The following MBD5 variants were observed in gnomAD, a reference collection of about 807,000 sequenced individuals.
MBD5 encodes the protein methyl-CpG-binding domain protein 5.
In MBD5, 13 loss-of-function variants were observed where a neutral mutation model predicts 117.3. The observed-to-expected ratio is 0.11, with a 90% CI of 0.07 to 0.18. The LOEUF is 0.18. Among genes scored for constraint, MBD5 ranks in the 10% least tolerant of loss-of-function variants. The pLI is 1.00. For synonymous variants in MBD5, 727 were observed against 766.4 expected (o/e 0.95, Z 0.85); for missense variants, 1,879 against 2,093.8 (o/e 0.90, Z 2.00).
chr2:148,343,679 A>C (rs939600651), intron 4 of MBD5, among the ~76,000 whole-genome samples: 25 of 151,902 alleles, frequency 1.6e-4, no homozygotes, highest in African/African-American at 5.8e-4. Context: ...ATATAAGACA[A>C]TTGTTGGTTG....
intron 1 of MBD5, among the ~76,000 whole-genome samples, chr2:148,153,068 C>T (rs954434319): frequency 4.5e-4 from 69 of 151,872 alleles, no homozygotes; most frequent in Middle Eastern, 3.4e-3. Flanking sequence ...GATTTTGCAG[C>T]GGCTGGTACC....
chr2:148,366,308 G>GAACTAGC (rs1559041665), intron 4 of MBD5, among the ~76,000 whole-genome samples: 7 of 47,592 alleles, frequency 1.5e-4, no homozygotes, highest in African/African-American at 3.4e-4. Context: ...AATAAACTAG[G>GAACTAGC]TATTGATGGA....
intron 1 of MBD5, among the ~76,000 whole-genome samples, chr2:148,073,100 G>A (rs572053294): frequency 4.0e-5 from 6 of 151,880 alleles, no homozygotes; most frequent in African/African-American, 1.2e-4. Flanking sequence ...TTTTTGTACT[G>A]ATTTAATCTA....
chr2:148,103,145 G>A (rs757899240), intron 1 of MBD5, among the ~76,000 whole-genome samples: 1 of 152,038 alleles, frequency 6.6e-6, no homozygotes, highest in East Asian at 1.9e-4. Context: ...AAAATTAAAT[G>A]TGCTTTATCT....
rs534415848 is a variant in MBD5, at chr2:148,157,907, C to G, written c.-924-20793C>G. 2.0e-5 allele frequency among the ~76,000 whole-genome samples: 3 copies of G among 152,162 alleles called. No individual in the cohort carries two copies. The South Asian group carries it at 6.2e-4, about 32-fold the overall frequency. ...AAAATGTTCATACTCATTAATATCT[C>G]AAAAATATTCATCACGATGGAAATG... On this transcript the variant is annotated intron_variant, in intron 1 of 13. Transcript: ENST00000642680.
At chr2:148,340,726 G>A (rs1702921612) in intron 3 of MBD5, among the ~76,000 whole-genome samples, 1 of 151,940 alleles carries the variant, frequency 6.6e-6, no homozygotes, top group Non-Finnish European at 1.5e-5. Context: ...GGATTGAAGT[G>A]AGGATTATTT....
At chr2:148,098,169 G>A (rs925126925) in intron 1 of MBD5, among the ~76,000 whole-genome samples, 2 of 152,158 alleles carry the variant, frequency 1.3e-5, no homozygotes, top group Admixed American at 6.5e-5. Context: ...ACAGCAGGTG[G>A]GAGACCAGTT....
At position 148,274,315 on chromosome 2, in the gene MBD5, G is replaced by A. The variant is rs1701051517; in HGVS notation, c.-680+40920G>A. On this transcript the variant is annotated intron_variant, in intron 3 of 13. Transcript: ENST00000642680. ...TACATAGGTATAGACGTGCCATGGT[G>A]GTTTGCTGCACCCATCAACCCATCA... Among the ~76,000 whole-genome samples the A allele has an allele frequency of 2.0e-5, 3 of 151,938 alleles. No homozygotes were observed. The South Asian group carries it at 6.2e-4, about 31-fold the overall frequency.
At chr2:148,155,314 C>T (rs974028070) in intron 1 of MBD5, among the ~76,000 whole-genome samples, 22 of 152,196 alleles carry the variant, frequency 1.4e-4, no homozygotes, top group Non-Finnish European at 2.8e-4. Flanking sequence ...AGCAGCTGCT[C>T]AGTGTGAGGC....
At chr2:148,065,268 G>A (rs1009579803) in intron 1 of MBD5, among the ~76,000 whole-genome samples, 7 of 152,090 alleles carry the variant, frequency 4.6e-5, no homozygotes, top group African/African-American at 1.4e-4. Flanking sequence ...TCTTTGTGAT[G>A]AGCCTCTCCT....
At position 148,483,520 on chromosome 2, in the gene MBD5, G is replaced by C. The variant is rs1192312323; in HGVS notation, c.2929G>C (p.Asp977His). The C allele has an allele frequency of 6.2e-7, 1 of 1,609,410 alleles. No homozygotes were observed. Among genetic ancestry groups the C allele is most frequent in the African/African-American group, 1.3e-5 (1 of 74,860 alleles). The part of the protein sequence containing the change: ...AALAFLSSDM[D>H]GQVLQPVHFQ... ...TTTAGCTTTTCTCTCCAGTGACATG[G>C]ATGGGCAGGTATTGCAGCCTGTTCA... is the stretch of plus-strand genomic sequence containing the variant. Residue 977 changes from aspartate (D) to histidine (H), a missense_variant, in exon 9 of 14, where the codon GAT becomes CAT. By Grantham distance (81) the Asp-to-His change is moderately conservative. Transcript: ENST00000642680.
At chr2:148,380,909 C>G (rs1704122393) in intron 4 of MBD5, among the ~76,000 whole-genome samples, 1 of 152,140 alleles carries the variant, frequency 6.6e-6, no homozygotes, top group Non-Finnish European at 1.5e-5. Context: ...AGCTGAGGGT[C>G]CTGACTGTTA....
At chr2:148,332,282 T>C (rs544358547) in intron 3 of MBD5, among the ~76,000 whole-genome samples, 1 of 152,344 alleles carries the variant, frequency 6.6e-6, no homozygotes, top group Admixed American at 6.5e-5. Context: ...ATTATAATGA[T>C]ACAAACTCAG....
intron 1 of MBD5, among the ~76,000 whole-genome samples, chr2:148,144,070 A>G (rs1029706469): frequency 1.1e-4 from 16 of 152,208 alleles, no homozygotes; most frequent in African/African-American, 3.4e-4. Flanking sequence ...CCAACAGTGT[A>G]AAAGTGTTCC....
At chr2:148,105,311 C>T (rs1252372676) in intron 1 of MBD5, among the ~76,000 whole-genome samples, 1 of 151,734 alleles carries the variant, frequency 6.6e-6, no homozygotes, top group Non-Finnish European at 1.5e-5. Flanking sequence ...CTCTGCCTCC[C>T]AGGTTCAAGT....
intron 4 of MBD5, among the ~76,000 whole-genome samples, chr2:148,386,862 A>G (rs1177349168): frequency 2.6e-5 from 4 of 152,178 alleles, no homozygotes; most frequent in African/African-American, 9.6e-5. Context: ...TGACTCAAGA[A>G]AATATTGAAA....
chr2:148,297,567 G>A (rs539051324), intron 3 of MBD5, among the ~76,000 whole-genome samples: 1 of 152,230 alleles, frequency 6.6e-6, no homozygotes, highest in South Asian at 2.1e-4. Flanking sequence ...AACTGCTGTA[G>A]TCTGTTCCAA....
At chr2:148,239,628 G>C (rs552013280) in intron 3 of MBD5, among the ~76,000 whole-genome samples, 1 of 150,382 alleles carries the variant, frequency 6.6e-6, no homozygotes, top group East Asian at 2.0e-4. Flanking sequence ...TATATTATGG[G>C]TAAGAAATTA....
At chr2:148,199,119 G>A (rs1012646171) in intron 2 of MBD5, among the ~76,000 whole-genome samples, 6 of 151,986 alleles carry the variant, frequency 3.9e-5, no homozygotes, top group African/African-American at 9.7e-5. Flanking sequence ...GAAAACTCTC[G>A]GGCAGGAGCT....
Sources: allele counts gnomAD v4.1 joint callset (sites outside exome capture counted in the v4.1 genomes callset), GRCh38; gene constraint gnomAD v4.1.1; transcripts MANE v1.5; gene names NCBI Gene and HGNC (gene_info 2026-07-23, HGNC 2026-07-21).